The following KIRREL3 variants were observed in gnomAD, a reference collection of about 807,000 sequenced individuals.
KIRREL3 encodes kin of IRRE-like protein 3.
Under a neutral mutation model 89.7 loss-of-function variants are expected in KIRREL3, and 36 were observed. The observed-to-expected ratio is 0.40, with a 90% CI of 0.31 to 0.53. The LOEUF is 0.53. KIRREL3 is among the 20% of genes least tolerant of loss of function. The pLI, the probability that KIRREL3 is intolerant of heterozygous loss-of-function variation, is 0.49. For synonymous variants in KIRREL3, 445 were observed against 441.4 expected, an observed-to-expected ratio of 1.01 and a Z score of -0.10; for missense variants, 864 against 1,056.6, an observed-to-expected ratio of 0.82 and a Z score of 2.53.
At chr11:126,671,701 T>C in intron 1 of KIRREL3, among the ~76,000 whole-genome samples, 1 of 151,738 alleles carries the variant, frequency 6.6e-6, no homozygotes, top group East Asian at 1.9e-4. Flanking sequence ...CATCTGTCAT[T>C]AGGGAAATGC....
rs932755975 is a variant in KIRREL3, at chr11:126,710,518, G to A, written c.56-147606C>T. Among the ~76,000 whole-genome samples, 6 of 152,280 alleles carry A rather than the reference G, an allele frequency of 3.9e-5. No individual in the cohort carries two copies. Among genetic ancestry groups the A allele is most frequent in the South Asian group, 4.1e-4 (2 of 4,820 alleles). Reference sequence around the variant, plus strand: ...TGAGAATACATTCTTTAAAGCTCCAGTTAACGTGTATGCAGATGGGAGCTT... The same window carrying A: ...TGAGAATACATTCTTTAAAGCTCCAATTAACGTGTATGCAGATGGGAGCTT... On this transcript the variant is annotated intron_variant, in intron 1 of 16. Coordinates refer to ENST00000525144, the MANE Select transcript of KIRREL3 (RefSeq NM_032531.4). The surrounding 1 kb of genome is among the most constrained non-coding windows in gnomAD (Gnocchi z 4.2).
rs1475861642 is a variant in KIRREL3, at chr11:126,566,432, G to A, written c.56-3520C>T. On this transcript the variant is annotated intron_variant, in intron 1 of 16. Coordinates refer to ENST00000525144, the MANE Select transcript of KIRREL3 (RefSeq NM_032531.4). This position sits in a 1 kb window ranked among gnomAD's most constrained non-coding sequence, Gnocchi z 4.9. ...GACCAAGCACAGTGCCTGACACATG[G>A]TAAGTGCTCAGGAACAGTCTGCTGA... Among the ~76,000 whole-genome samples the A allele has an allele frequency of 2.6e-5, 4 of 152,216 alleles. No individual in the cohort carries two copies. The highest frequency in any genetic ancestry group is 2.6e-4 in the Admixed American group (4 of 15,284).
intron 1 of KIRREL3, among the ~76,000 whole-genome samples, chr11:126,786,564 A>C (rs1950493692): frequency 6.6e-6 from 1 of 152,228 alleles, no homozygotes; most frequent in African/African-American, 2.4e-5. Flanking sequence ...CCTGGAAAAA[A>C]TAGTGTAATG....
chr11:126,625,131 G>A (rs977668066), intron 1 of KIRREL3, among the ~76,000 whole-genome samples: 1 of 152,088 alleles, frequency 6.6e-6, no homozygotes, highest in South Asian at 2.1e-4. Flanking sequence ...TCTTAACAGC[G>A]TCTACCCTGT....
chr11:126,688,171 C>G (rs1946739082), intron 1 of KIRREL3, among the ~76,000 whole-genome samples: 1 of 152,216 alleles, frequency 6.6e-6, no homozygotes, highest in African/African-American at 2.4e-5. Flanking sequence ...CCAAGAGCAG[C>G]CTGTCCCACT....
intron 1 of KIRREL3, among the ~76,000 whole-genome samples, chr11:126,591,534 T>C (rs1176475194): frequency 6.6e-6 from 1 of 152,166 alleles, no homozygotes; most frequent in East Asian, 1.9e-4. Context: ...ATCTCAGACA[T>C]GCTCTTCCTG....
At chr11:126,425,179 G>A (rs1954893646) in intron 16 of KIRREL3, among the ~76,000 whole-genome samples, 156 bp from the exon 17 acceptor site, 1 of 152,190 alleles carries the variant, frequency 6.6e-6, no homozygotes, top group Admixed American at 6.5e-5. Flanking sequence ...GGGGTGAACA[G>A]CTGCAGGGAA....
At chr11:126,759,422 C>G (rs1196110733) in intron 1 of KIRREL3, among the ~76,000 whole-genome samples, 1 of 152,214 alleles carries the variant, frequency 6.6e-6, no homozygotes. Flanking sequence ...GCCACTGTAC[C>G]CGGCCATGGG....
chr11:126,525,059 C>G lies in KIRREL3; in HGVS notation c.283+1479G>C, dbSNP rs142233706. ...ATTGTTCTGCAGCCCTAAGCAGGTA[C>G]CAGTCCTGGATCCCAGAAAGCCATT... On this transcript the variant is annotated intron_variant, in intron 3 of 16. Coordinates refer to ENST00000525144, the MANE Select transcript of KIRREL3 (RefSeq NM_032531.4). The surrounding 1 kb of genome is among the most constrained non-coding windows in gnomAD (Gnocchi z 5.4). Among the ~76,000 whole-genome samples, 1 of 152,274 alleles carries G rather than the reference C, an allele frequency of 6.6e-6. No individual in the cohort carries two copies. Among genetic ancestry groups the G allele is most frequent in the Non-Finnish European group, 1.5e-5 (1 of 68,020 alleles).
chr11:126,440,633 C>A, intron 10 of KIRREL3, 84 bp from the exon 11 acceptor site: 1 of 1,193,380 alleles, frequency 8.4e-7, no homozygotes, highest in Middle Eastern at 1.9e-4. Context: ...GAAGTGTATT[C>A]ATTAATCCAA....
intron 6 of KIRREL3, among the ~76,000 whole-genome samples, chr11:126,458,781 A>G (rs572677563): frequency 7.4e-4 from 113 of 152,296 alleles, no homozygotes; most frequent in African/African-American, 2.6e-3. Context: ...TGTGATCTCA[A>G]TCCCAGTTGT....
intron 6 of KIRREL3, among the ~76,000 whole-genome samples, chr11:126,458,025 C>A (rs1956429728): frequency 6.6e-6 from 1 of 151,974 alleles, no homozygotes; most frequent in African/African-American, 2.4e-5. Context: ...CAGGCCTCGG[C>A]ACCCCCGGGG....
intron 1 of KIRREL3, among the ~76,000 whole-genome samples, chr11:126,829,678 G>A (rs1943539294): frequency 6.6e-6 from 1 of 152,174 alleles, no homozygotes; most frequent in Non-Finnish European, 1.5e-5. Context: ...GGGTGCCAGG[G>A]ACCAAGCATA....
intron 1 of KIRREL3, among the ~76,000 whole-genome samples, chr11:126,930,396 C>T (rs924766713): frequency 3.9e-5 from 6 of 152,296 alleles, no homozygotes; most frequent in East Asian, 1.9e-4. Context: ...ATATTCAAAG[C>T]ATTGGAATTG....
chr11:126,849,253 C>G (rs768049610), intron 1 of KIRREL3, among the ~76,000 whole-genome samples: 1 of 139,838 alleles, frequency 7.2e-6, no homozygotes, highest in Non-Finnish European at 1.5e-5. Context: ...TTACGAATGC[C>G]ACGGCAATGT....
chr11:126,838,714 G>A (rs1354907830), intron 1 of KIRREL3, among the ~76,000 whole-genome samples: 2 of 152,050 alleles, frequency 1.3e-5, no homozygotes, highest in Non-Finnish European at 2.9e-5. Context: ...CTCAGACAGT[G>A]GTAAATGGAA....
At chr11:126,573,451 T>C (rs1260838659) in intron 1 of KIRREL3, among the ~76,000 whole-genome samples, 1 of 152,016 alleles carries the variant, frequency 6.6e-6, no homozygotes, top group Non-Finnish European at 1.5e-5. Context: ...CCCAGGCAGC[T>C]ACCCGCTTCC....
chr11:126,701,719 C>A (rs746192985), intron 1 of KIRREL3, among the ~76,000 whole-genome samples: 3 of 152,084 alleles, frequency 2.0e-5, no homozygotes, highest in African/African-American at 7.2e-5. Flanking sequence ...AGGGCAGCAC[C>A]TGGGCGGAGT....
At position 126,924,856 on chromosome 11, in the gene KIRREL3, A is replaced by G. The variant is rs1030591084; in HGVS notation, c.55+75599T>C. 6.6e-6 allele frequency among the ~76,000 whole-genome samples: 1 copy of G among 151,922 alleles called. No individual in the cohort carries two copies. The highest frequency in any genetic ancestry group is 2.1e-4 in the South Asian group (1 of 4,814). ...GTTGAGAATGAAAGTTGTTATTAGC[A>G]TGATTCACTCTCCAACAGCATGAAT... On this transcript the variant is annotated intron_variant, in intron 1 of 16. Transcript: ENST00000525144. The surrounding 1 kb of genome is among the most constrained non-coding windows in gnomAD (Gnocchi z 4.7).
Sources: gnomAD v4.1 joint callset for allele counts (sites outside exome capture counted in the v4.1 genomes callset) on GRCh38, gnomAD v4.1.1 for gene constraint, Gnocchi (gnomAD v3.1) non-coding constraint, MANE v1.5 for transcripts, NCBI Gene and HGNC (gene_info 2026-07-23, HGNC 2026-07-21) for gene names.